NOTCH1: variants seen among roughly 807,000 people sequenced by gnomAD.
NOTCH1 encodes notch receptor 1.
In NOTCH1, 37 loss-of-function variants were observed where a neutral mutation model predicts 254.8. The ratio of observed to expected loss-of-function variants is 0.15; its 90% CI spans 0.11 to 0.19. The LOEUF (loss-of-function observed/expected upper bound fraction) is 0.19. NOTCH1 is among the 10% of genes least tolerant of loss of function. The probability of loss-of-function intolerance (pLI) is 1.00; values close to 1 mark genes in which losing one functional copy is unlikely to be tolerated. For missense variants in NOTCH1, 2,972 were observed against 3,708.6 expected, an observed-to-expected ratio of 0.80 and a Z score of 5.16; for synonymous variants, 1,731 against 1,618.1, an observed-to-expected ratio of 1.07 and a Z score of -1.68.
At chr9:136,515,759 CG>C (rs752930180) in intron 10 of NOTCH1, 43 bp from the exon 11 acceptor site, 2 of 1,508,632 alleles carry the variant, frequency 1.3e-6, no homozygotes, top group South Asian at 2.4e-5. Context: ...TTAGGACTGG[CG>C]GCCCCCGGGA....
chr9:136,499,147 T>C lies in NOTCH1; in HGVS notation c.6047A>G (p.Asn2016Ser), dbSNP rs2133322684. 1 of 1,613,200 alleles carries C rather than the reference T, an allele frequency of 6.2e-7. No individual in the cohort carries two copies. Among genetic ancestry groups the C allele is most frequent in the South Asian group, 1.1e-5 (1 of 91,078 alleles). ...TACGGCGTTGACGTCGGCGTGTGAG[T>C]TGATGAGGTCCTCCAGCATGCCCTC... ...AVEGMLEDLI[N>S]SHADVNAVDD... The change falls in exon 32 of 34, where the codon AAC (asparagine) becomes AGC (serine). Residue 2016 changes from asparagine (N) to serine (S), a missense_variant. Coordinates refer to ENST00000651671, the MANE Select transcript of NOTCH1 (RefSeq NM_017617.5).
At position 136,506,990 on chromosome 9, in the gene NOTCH1, C is replaced by T. The variant is rs139960251; in HGVS notation, c.3644-17G>A. The T allele has an allele frequency of 2.0e-5, 32 of 1,569,722 alleles. No individual in the cohort carries two copies. The highest frequency in any genetic ancestry group is 2.7e-5 in the African/African-American group (2 of 73,530). On this transcript the variant is annotated splice_polypyrimidine_tract_variant and intron_variant, in intron 22 of 33. Transcript: ENST00000651671. This position sits in a 1 kb window ranked among gnomAD's most constrained non-coding sequence, Gnocchi z 4.5. ...AGTGCACACCTGCGGGGCCAGGTTT[C>T]GTCAGTGGCCCAAGCCCGCCACACC...
rs1456032064 is a variant in NOTCH1, at chr9:136,497,454, G to A, written c.6285C>T (p.Arg2095=). The A allele has an allele frequency of 1.2e-6, 2 of 1,612,446 alleles. No homozygotes were observed. The highest frequency in any genetic ancestry group is 1.7e-6 in the Non-Finnish European group (2 of 1,179,954). ...ANRDITDHMD[R]LPRDIAQERM... ...GCTCCTGTGCGATGTCGCGCGGCAG[G>A]CGGTCCATATGATCCGTGATGTCCC... Residue 2095 remains arginine (R), a synonymous_variant, in exon 34 of 34, where the codon CGC becomes CGT. Transcript: ENST00000651671.
chr9:136,510,498 T>C, intron 17 of NOTCH1, 155 bp downstream of exon 17: 1 of 1,004,790 alleles, frequency 1.0e-6, no homozygotes, highest in South Asian at 1.5e-5. Flanking sequence ...ACCCTGGCCA[T>C]CCCTCAGCAC....
In NOTCH1 at chr9:136,497,445, G is replaced by C. The variant is rs777111928; in HGVS notation, c.6294C>G (p.Arg2098=). Residue 2098 remains arginine, a synonymous_variant, in exon 34 of 34, where the codon CGC becomes CGG. Transcript: ENST00000651671. ...GATGCATGCGCTCCTGTGCGATGTC[G>C]CGCGGCAGGCGGTCCATATGATCCG... The part of the protein sequence containing the change: ...DITDHMDRLP[R]DIAQERMHHD... The C allele has an allele frequency of 1.2e-6, 2 of 1,612,218 alleles. No homozygotes were observed. The highest frequency in any genetic ancestry group is 1.3e-5 in the African/African-American group (1 of 74,944).
At position 136,505,761 on chromosome 9, in the gene NOTCH1, T is replaced by C. The variant is rs1230011586; in HGVS notation, c.4135A>G (p.Thr1379Ala). The change falls in exon 25 of 34, where the codon ACG (threonine) becomes GCG (alanine). Residue 1379 changes from threonine (T) to alanine (A), a missense_variant. Physicochemically the swap from Thr to Ala is moderately conservative, Grantham distance 58. Coordinates refer to ENST00000651671, the MANE Select transcript of NOTCH1 (RefSeq NM_017617.5). ...GCCGGGAACTGGCATTCGGGGCCCG[T>C]GAAGGGGCCCAGGCACAGGCAGGTG... The part of the protein sequence containing the change: ...SPTCLCLGPF[T>A]GPECQFPASS... The C allele has an allele frequency of 6.3e-7, 1 of 1,586,394 alleles. No homozygotes were observed. Among genetic ancestry groups the C allele is most frequent in the Non-Finnish European group, 8.6e-7 (1 of 1,165,424 alleles).
Position 136,504,907 on chromosome 9 carries a change from TC to T in NOTCH1, c.4783del (p.Glu1595SerfsTer21). 6.3e-7 allele frequency: 1 copy of T among 1,586,776 alleles called. No homozygotes were observed. The highest frequency in any genetic ancestry group is 1.1e-5 in the South Asian group (1 of 87,356). On this transcript the variant is annotated frameshift_variant, in exon 26 of 34. Coordinates refer to ENST00000651671, the MANE Select transcript of NOTCH1 (RefSeq NM_017617.5). LOFTEE classifies it high-confidence loss of function. ...LRNSSFHFLR[E>X]LSRVLHTNVV... The stretch of plus-strand genomic sequence containing the variant: ...GTTGGTGTGCAGCACGCGGCTGAGC[TC>T]CCGCAGGAAGTGGAAGGAGCTGTTG...
chr9:136,504,193 TTC>T (rs1202156902), intron 26 of NOTCH1, among the ~76,000 whole-genome samples: 1 of 152,220 alleles, frequency 6.6e-6, no homozygotes, highest in Non-Finnish European at 1.5e-5. Context: ...TGTTTTTTAC[TTC>T]TTTTAATACT....
rs992054947 is a variant in NOTCH1 at position 136,515,068 on chromosome 9, C to T, written c.2014+222G>A. Among the ~76,000 whole-genome samples, 3 of 152,324 alleles carry T rather than the reference C, an allele frequency of 2.0e-5. No individual in the cohort carries two copies. In the East Asian group the frequency reaches 5.8e-4, roughly 29 times the overall value. On this transcript the variant is annotated intron_variant, in intron 12 of 33. Transcript: ENST00000651671. ...TTGGCCTGCTGGGCCACTCTGCCAA[C>T]ACGGCCTGGGACAGCTCTGACCGGA...
At position 136,533,130 on chromosome 9, in the gene NOTCH1, C is replaced by T. The variant is rs990993095; in HGVS notation, c.141-9151G>A. 8.0e-4 allele frequency among the ~76,000 whole-genome samples: 93 copies of T among 116,168 alleles called. 30 individuals carry two copies. Among genetic ancestry groups the T allele is most frequent in the Non-Finnish European group, 7.8e-4 (45 of 57,622 alleles). The allele number at this position is 116,168 out of a possible 152,430, so 76.2% of individuals were successfully genotyped here. ...CGCCCGGCCTCCCCACCTGGCTCTC[C>T]GTCAGACAGGAATGAGGCCAGCCTC... On this transcript the variant is annotated intron_variant, in intron 2 of 33. Coordinates refer to ENST00000651671, the MANE Select transcript of NOTCH1 (RefSeq NM_017617.5).
In NOTCH1 at chr9:136,515,970, C is replaced by A. The variant is rs749817066; in HGVS notation, c.1669+11G>T. On this transcript the variant is annotated intron_variant, in intron 10 of 33. Coordinates refer to ENST00000651671, the MANE Select transcript of NOTCH1 (RefSeq NM_017617.5). ...CCCAGTCCCTCCCCGCTGGTGGGCG[C>A]CAGCCCGCACCTTCCGTGCACACAC... 3.1e-6 allele frequency: 5 copies of A among 1,602,392 alleles called. No individual in the cohort carries two copies. The highest frequency in any genetic ancestry group is 3.4e-6 in the Non-Finnish European group (4 of 1,174,332).
At chr9:136,499,307 G>T (rs1477335261) in intron 31 of NOTCH1, 48 bp from the exon 32 acceptor site, 3 of 1,604,348 alleles carry the variant, frequency 1.9e-6, no homozygotes, top group East Asian at 2.2e-5. Context: ...GACGTACACC[G>T]ATGCCTCCTG....
At chr9:136,520,868 G>A (rs1843356542) in intron 4 of NOTCH1, among the ~76,000 whole-genome samples, 1 of 152,202 alleles carries the variant, frequency 6.6e-6, no homozygotes, top group Non-Finnish European at 1.5e-5. Flanking sequence ...CAAAGCACTG[G>A]CTGAGGCACA....
At chr9:136,507,154 C>T in intron 22 of NOTCH1, 151 bp downstream of exon 22, 1 of 1,487,544 alleles carries the variant, frequency 6.7e-7, no homozygotes, top group South Asian at 1.2e-5. Context: ...GGCCCTTTCC[C>T]TGGGCAGCTG....
intron 4 of NOTCH1, among the ~76,000 whole-genome samples, chr9:136,521,381 T>C (rs1169776787): frequency 1.3e-5 from 2 of 151,232 alleles, no homozygotes; most frequent in Admixed American, 1.3e-4. Context: ...GGCCCTGAGC[T>C]GCCCCTGCAC....
intron 15 of NOTCH1, among the ~76,000 whole-genome samples, chr9:136,511,879 T>C (rs970890576): frequency 6.6e-6 from 1 of 152,198 alleles, no homozygotes; most frequent in Non-Finnish European, 1.5e-5. Flanking sequence ...GCAAAGGCTA[T>C]GTGGGAACCA....
chr9:136,505,917 G>C (rs1589059129), intron 24 of NOTCH1, 36 bp from the exon 25 acceptor site: 3 of 1,539,298 alleles, frequency 1.9e-6, no homozygotes, highest in East Asian at 4.7e-5. Flanking sequence ...TGTCGGGGTG[G>C]GCCACCCCCC....
Position 136,513,603 on chromosome 9 carries a change from C to G in NOTCH1, c.2208-66G>C, listed in dbSNP as rs1224374147. The G allele has an allele frequency of 2.5e-6, 4 of 1,587,874 alleles. No individual in the cohort carries two copies. The highest frequency in any genetic ancestry group is 3.4e-6 in the Non-Finnish European group (4 of 1,163,386). On this transcript the variant is annotated intron_variant, in intron 13 of 33. Transcript: ENST00000651671. The surrounding 1 kb of genome is among the most constrained non-coding windows in gnomAD (Gnocchi z 4.7). ...CAGCACGGCCGGGGCCTGGGCACTC[C>G]CGGGTCTGCAATGCCCTATGGGCTG...
intron 3 of NOTCH1, 79 bp downstream of exon 3, chr9:136,523,635 CCCG>C: frequency 6.6e-7 from 1 of 1,520,718 alleles, no homozygotes; most frequent in Non-Finnish European, 8.9e-7. Flanking sequence ...GGGCCTGGAT[CCCG>C]CCAAGTACCT....
Sources: allele counts gnomAD v4.1 joint callset (sites outside exome capture counted in the v4.1 genomes callset), GRCh38; gene constraint gnomAD v4.1.1; non-coding constraint Gnocchi (gnomAD v3.1); transcripts MANE v1.5; gene names NCBI Gene and HGNC (gene_info 2026-07-23, HGNC 2026-07-21).